The following TTN variants were observed in gnomAD, a reference collection of about 807,000 sequenced individuals.
TTN encodes titin, also known as connectin.
In TTN, 1,525 loss-of-function variants were observed where a neutral mutation model predicts 3,223.0. That is an observed-to-expected ratio of 0.47 (90% CI 0.45 to 0.49). The LOEUF (loss-of-function observed/expected upper bound fraction) is 0.49, where lower values mean the gene tolerates loss of function less well. Ranked by LOEUF, TTN falls within the 20% of genes least tolerant of loss-of-function variation. The pLI, the probability that TTN is intolerant of heterozygous loss-of-function variation, is 0.00. For missense variants in TTN, 40,786 were observed against 43,424.0 expected, an observed-to-expected ratio of 0.94 and a Z score of 5.40; for synonymous variants, 14,094 against 15,161.0, an observed-to-expected ratio of 0.93 and a Z score of 5.17.
chr2:178,539,116 G>C lies in TTN; in HGVS notation c.98819C>G (p.Ser32940Cys). ...TGYYIERKETSTDKWVRHNKT... is the reference protein window; with the variant it reads ...TGYYIERKETCTDKWVRHNKT... ...GTTGTGTCTGACCCACTTGTCAGTG[G>C]ATGTCTCTTTGCGTTCGATGTAGTA... is the stretch of plus-strand genomic sequence containing the variant. The change falls in exon 353 of 363, where the codon TCC (serine) becomes TGC (cysteine). Residue 32940 changes from serine to cysteine, a missense_variant. Coordinates refer to ENST00000589042, the MANE Select transcript of TTN (RefSeq NM_001267550.2). 6.2e-7 allele frequency: 1 copy of C among 1,613,752 alleles called. No individual in the cohort carries two copies. Among genetic ancestry groups the C allele is most frequent in the Non-Finnish European group, 8.5e-7 (1 of 1,179,746 alleles).
rs1177930416 is a variant in TTN at position 178,598,034 on chromosome 2, T to C, written c.57136A>G (p.Thr19046Ala). ...TTTAATCCTGTCACAACAAGCTTTG[T>C]TCCTCTCACTTCTTTATCTTTACCC... ...EKGKDKEVRGTKLVVTGLKEG... is the reference protein window; with the variant it reads ...EKGKDKEVRGAKLVVTGLKEG... Residue 19046 changes from threonine to alanine, a missense_variant, in exon 293 of 363, where the codon ACA (threonine) becomes GCA (alanine). Transcript: ENST00000589042. 1.2e-6 allele frequency: 2 copies of C among 1,613,038 alleles called. No homozygotes were observed. Among genetic ancestry groups the C allele is most frequent in the Middle Eastern group, 1.7e-4 (1 of 6,048 alleles).
intron 21 of TTN, 64 bp from the exon 22 acceptor site, chr2:178,780,269 C>T (rs2092647321): frequency 6.3e-6 from 9 of 1,429,134 alleles, no homozygotes; most frequent in Non-Finnish European, 8.9e-6. Flanking sequence ...TACCACTATG[C>T]ATTCAGGTAA....
chr2:178,795,912 C>T (rs764890675), intron 6 of TTN, among the ~76,000 whole-genome samples: 3 of 152,156 alleles, frequency 2.0e-5, no homozygotes, highest in Non-Finnish European at 2.9e-5. Context: ...TTAATTTCCT[C>T]CATATTTGTT....
intron 149 of TTN, 165 bp from the exon 150 acceptor site, chr2:178,675,278 G>C: frequency 2.1e-6 from 1 of 474,716 alleles, no homozygotes; most frequent in Non-Finnish European, 3.6e-6. Flanking sequence ...GAATAAAAAG[G>C]TTTGTGGTTT....
intron 43 of TTN, among the ~76,000 whole-genome samples, chr2:178,763,893 A>G (rs186828002): frequency 8.9e-4 from 134 of 151,250 alleles, no homozygotes; most frequent in Admixed American, 2.6e-3. Context: ...CTACAATCAT[A>G]AAGGGAACAT....
At chr2:178,592,715 A>C in intron 300 of TTN, 55 bp from the exon 301 acceptor site, 1 of 1,612,110 alleles carries the variant, frequency 6.2e-7, no homozygotes, top group South Asian at 1.1e-5. Flanking sequence ...GATTACAATT[A>C]AACACATACA....
At position 178,621,823 on chromosome 2, in the gene TTN, A is replaced by T; in HGVS notation, c.45082+17T>A. On this transcript the variant is annotated intron_variant, in intron 244 of 362. Coordinates refer to ENST00000589042, the MANE Select transcript of TTN (RefSeq NM_001267550.2). ...TTCCCAACACATATACTTCACAAAGAATGACTTTACTCTTACCCAGAACTG... is the reference window on the plus strand; with the variant it reads ...TTCCCAACACATATACTTCACAAAGTATGACTTTACTCTTACCCAGAACTG... 6.2e-7 allele frequency: 1 copy of T among 1,611,248 alleles called. No homozygotes were observed. The highest frequency in any genetic ancestry group is 1.1e-5 in the South Asian group (1 of 90,710).
rs1221271314 is a variant in TTN at position 178,777,279 on chromosome 2, G to C, written c.4684C>G (p.Leu1562Val). 6.2e-7 allele frequency: 1 copy of C among 1,613,962 alleles called. No individual in the cohort carries two copies. Among genetic ancestry groups the C allele is most frequent in the East Asian group, 2.2e-5 (1 of 44,846 alleles). Reference protein sequence around the residue: ...HQVKPMFVEKLKNVNIKEGSR... With the variant: ...HQVKPMFVEKVKNVNIKEGSR... ...CCTTCCTTTATATTGACATTTTTCA[G>C]TTTTTCTACAAACATCGGTTTTACC... The change falls in exon 27 of 363, where the codon CTG becomes GTG. Residue 1562 changes from leucine to valine, a missense_variant. Physicochemically the swap from Leu to Val is conservative, Grantham distance 32. Coordinates refer to ENST00000589042, the MANE Select transcript of TTN (RefSeq NM_001267550.2).
rs1709800129 is a variant in TTN at position 178,575,617 on chromosome 2, A to G, written c.70515T>C (p.Tyr23505=). Residue 23505 remains tyrosine, a synonymous_variant, in exon 326 of 363, where the codon TAT becomes TAC. Coordinates refer to ENST00000589042, the MANE Select transcript of TTN (RefSeq NM_001267550.2). This position sits in a 1 kb window ranked among gnomAD's most constrained non-coding sequence, Gnocchi z 4.0. The part of the protein sequence containing the change: ...KVTGLSEGCE[Y]FFRVMAENEY... ...CATTCTCTGCCATCACTCTGAAGAAATATTCACACCCTTCAGACAAGCCGG... is the reference window on the plus strand; with the variant it reads ...CATTCTCTGCCATCACTCTGAAGAAGTATTCACACCCTTCAGACAAGCCGG... The G allele has an allele frequency of 6.2e-7, 1 of 1,613,626 alleles. No individual in the cohort carries two copies. Among genetic ancestry groups the G allele is most frequent in the Non-Finnish European group, 8.5e-7 (1 of 1,179,654 alleles).
intron 242 of TTN, among the ~76,000 whole-genome samples, 195 bp downstream of exon 242, chr2:178,624,270 C>T (rs1392697898): frequency 1.3e-5 from 2 of 151,854 alleles, no homozygotes; most frequent in Non-Finnish European, 2.9e-5. Flanking sequence ...TTAATCAGAC[C>T]AGACATAGAA....
chr2:178,739,103 AT>A (rs1347189869), intron 48 of TTN, 37 bp downstream of exon 48: 2 of 1,484,940 alleles, frequency 1.3e-6, no homozygotes, highest in Non-Finnish European at 1.8e-6. Context: ...AATCCAGTGA[AT>A]GTTAGCATTT....
At chr2:178,745,068 G>A in intron 47 of TTN, 2 of 986,816 alleles carry the variant, frequency 2.0e-6, no homozygotes, top group Non-Finnish European at 2.4e-6. Flanking sequence ...GCTGGTTTTT[G>A]TTGTTTGTTT....
In TTN at chr2:178,740,390, C is replaced by A. The variant is rs772674766; in HGVS notation, c.12843G>T (p.Met4281Ile). 6.2e-7 allele frequency: 1 copy of A among 1,613,282 alleles called. No homozygotes were observed. The highest frequency in any genetic ancestry group is 1.1e-5 in the South Asian group (1 of 91,002). Residue 4281 changes from methionine to isoleucine, a missense_variant, in exon 48 of 363, where the codon ATG becomes ATT. Physicochemically the swap from Met to Ile is conservative, Grantham distance 10. Coordinates refer to ENST00000589042, the MANE Select transcript of TTN (RefSeq NM_001267550.2). ...HVESLQSPDV[M>I]ISQVNYEPLV... ...GGGGCTCATAGTTTACCTGAGAGAT[C>A]ATGACATCAGGACTCTGGAGACTCT... is the stretch of plus-strand genomic sequence containing the variant.
chr2:178,722,430 A>T lies in TTN; in HGVS notation c.22357T>A (p.Tyr7453Asn). 1.1e-5 allele frequency: 18 copies of T among 1,613,482 alleles called. No homozygotes were observed. The highest frequency in any genetic ancestry group is 1.4e-5 in the Non-Finnish European group (17 of 1,179,550). ...TCTCTTAAAAGTACTCCATCTCTAT[A>T]CCAGCACACTTGGATGGGTGCAGAG... ...NGSAPIQVCW[Y>N]RDGVLLRDDE... Residue 7453 changes from tyrosine to asparagine, a missense_variant, in exon 77 of 363, where the codon TAT (tyrosine) becomes AAT (asparagine). By Grantham distance (143) the Tyr-to-Asn change is moderately radical. Coordinates refer to ENST00000589042, the MANE Select transcript of TTN (RefSeq NM_001267550.2).
Position 178,636,875 on chromosome 2 carries a change from G to A in TTN, c.40928-76C>T, listed in dbSNP as rs1576751371. ...AAAGTTCATACTTGGCTGCCTGCTG[G>A]ATAAAACCAGCCGTAAAGCAATTAG... is the stretch of plus-strand genomic sequence containing the variant. On this transcript the variant is annotated intron_variant, in intron 224 of 362. Coordinates refer to ENST00000589042, the MANE Select transcript of TTN (RefSeq NM_001267550.2). The surrounding 1 kb of genome is among the most constrained non-coding windows in gnomAD (Gnocchi z 4.3). The A allele has an allele frequency of 3.4e-6, 5 of 1,456,886 alleles. No individual in the cohort carries two copies. The South Asian group carries it at 7.3e-5, about 21-fold the overall frequency. The allele number at this position is 1,456,886 out of a possible 1,614,324, so 90.2% of individuals were successfully genotyped here.
chr2:178,686,160 G>T (rs1207075581), intron 127 of TTN, among the ~76,000 whole-genome samples: 3 of 103,224 alleles, frequency 2.9e-5, no homozygotes, highest in African/African-American at 4.5e-5. Context: ...TCGCTCTGTC[G>T]CCCAGGCTGG....
In TTN at chr2:178,552,077, C is replaced by T; in HGVS notation, c.90823G>A (p.Val30275Met). 6.2e-7 allele frequency: 1 copy of T among 1,613,760 alleles called. No individual in the cohort carries two copies. Among genetic ancestry groups the T allele is most frequent in the Non-Finnish European group, 8.5e-7 (1 of 1,179,750 alleles). The change falls in exon 335 of 363, where the codon GTG (valine) becomes ATG (methionine). Residue 30275 changes from valine (V) to methionine (M), a missense_variant. Transcript: ENST00000589042. ...GTCGTTCTGGCAACACTTGAACACACCATCTTCCAGTTAGTTTGTGAAGTT... is the reference window on the plus strand; with the variant it reads ...GTCGTTCTGGCAACACTTGAACACATCATCTTCCAGTTAGTTTGTGAAGTT... ...RETSQTNWKM[V>M]CSSVARTTFK...
At position 178,568,902 on chromosome 2, in the gene TTN, TCTCA is replaced by T; in HGVS notation, c.77226_77229del (p.Ser25742ArgfsTer9). 1 of 1,613,332 alleles carries T rather than the reference TCTCA, an allele frequency of 6.2e-7. No homozygotes were observed. The highest frequency in any genetic ancestry group is 8.5e-7 in the Non-Finnish European group (1 of 1,179,574). On this transcript the variant is annotated frameshift_variant, in exon 326 of 363. Coordinates refer to ENST00000589042, the MANE Select transcript of TTN (RefSeq NM_001267550.2). LOFTEE classifies it high-confidence loss of function. ...TTTACTCGAGCACACTCTGACCATT[TCTCA>T]CTGTGTTTAGCTTGCATTTCCACAA...
intron 10 of TTN, among the ~76,000 whole-genome samples, chr2:178,791,714 G>A (rs1321550687): frequency 6.7e-6 from 1 of 150,176 alleles, no homozygotes; most frequent in Non-Finnish European, 1.5e-5. Flanking sequence ...TGTAAAGTTT[G>A]TGCATTACAA....
Sources: gnomAD v4.1 joint callset for allele counts (sites outside exome capture counted in the v4.1 genomes callset) on GRCh38, gnomAD v4.1.1 for gene constraint, Gnocchi (gnomAD v3.1) non-coding constraint, MANE v1.5 for transcripts, NCBI Gene and HGNC (gene_info 2026-07-23, HGNC 2026-07-21) for gene names.